Variants in COL22A1 observed in about 807,000 individuals in gnomAD.
COL22A1 encodes the protein collagen type XXII alpha 1 chain.
In COL22A1, 221 loss-of-function variants were observed where a neutral mutation model predicts 248.9. The observed-to-expected ratio is 0.89, with a 90% CI of 0.80 to 0.99. COL22A1 has a LOEUF of 0.99. Among genes scored for constraint, COL22A1 ranks in the 50% least tolerant of loss-of-function variants. COL22A1 has a pLI of 0.00. For missense variants in COL22A1, 2,240 were observed against 2,179.0 expected, an observed-to-expected ratio of 1.03 and a Z score of -0.56; for synonymous variants, 891 against 793.4, an observed-to-expected ratio of 1.12 and a Z score of -2.07.
chr8:138,813,553 A>C (rs1255946897), intron 7 of COL22A1, among the ~76,000 whole-genome samples: 2 of 152,184 alleles, frequency 1.3e-5, no homozygotes, highest in Non-Finnish European at 2.9e-5. Context: ...TGTCGTTATT[A>C]GCAGTGTGAG....
At chr8:138,675,349 T>C (rs890389849) in intron 41 of COL22A1, among the ~76,000 whole-genome samples, 1 of 152,236 alleles carries the variant, frequency 6.6e-6, no homozygotes, top group Non-Finnish European at 1.5e-5. Context: ...TTCCTTCTTA[T>C]TCTTTGAGAG....
chr8:138,616,711 G>A lies in COL22A1; in HGVS notation c.3870+203C>T, dbSNP rs1819350159. ...GGTTGGCCATGATGTCTGGCCCCCA[G>A]AAAAACCACCTGAGGGAATTAGGCC... On this transcript the variant is annotated intron_variant, in intron 54 of 64. Coordinates refer to ENST00000303045, the MANE Select transcript of COL22A1 (RefSeq NM_152888.3). Among the ~76,000 whole-genome samples, 3 of 152,222 alleles carry A rather than the reference G, an allele frequency of 2.0e-5. 1 individual carries two copies. In the South Asian group the frequency reaches 6.2e-4, roughly 32 times the overall value.
intron 32 of COL22A1, among the ~76,000 whole-genome samples, chr8:138,695,499 C>T (rs963059634): frequency 6.6e-6 from 1 of 152,062 alleles, no homozygotes; most frequent in East Asian, 1.9e-4. Flanking sequence ...TCGTGCCTGG[C>T]TCCAACCCCT....
chr8:138,679,676 C>A lies in COL22A1; in HGVS notation c.3013G>T (p.Ala1005Ser), dbSNP rs200002275. 44 of 1,613,722 alleles carry A rather than the reference C, an allele frequency of 2.7e-5. No homozygotes were observed. The highest frequency in any genetic ancestry group is 3.6e-5 in the Non-Finnish European group (43 of 1,179,800). The change falls in exon 40 of 65, where the codon GCT (alanine) becomes TCT (serine). Residue 1005 changes from alanine (A) to serine (S), a missense_variant and splice_region_variant. Transcript: ENST00000303045. ...GACCCTCTGACTTTTCCGCAAGCAG[C>A]CTGAAAGTAGAAAATCTTCACTCAT... The part of the protein sequence containing the change: ...PGLPGPLGTK[A>S]ACGKVRGSEN...
chr8:138,682,882 G>A (rs568115789), intron 39 of COL22A1, among the ~76,000 whole-genome samples: 2 of 152,208 alleles, frequency 1.3e-5, no homozygotes, highest in East Asian at 1.9e-4. Flanking sequence ...TGTACCTTTA[G>A]TAGAGACAGG....
chr8:138,694,730 G>T, intron 33 of COL22A1, 96 bp downstream of exon 33: 1 of 1,458,776 alleles, frequency 6.9e-7, no homozygotes, highest in Non-Finnish European at 9.5e-7. Flanking sequence ...GCTCCTGGGT[G>T]TGGAATGCAC....
chr8:138,715,763 AT>A, intron 29 of COL22A1, 28 bp from the exon 30 acceptor site: 1 of 1,555,960 alleles, frequency 6.4e-7, no homozygotes, highest in Non-Finnish European at 8.8e-7. Context: ...ATTAGAAAAC[AT>A]TAGAACCCAA....
chr8:138,806,545 G>T (rs1302332196), intron 10 of COL22A1, among the ~76,000 whole-genome samples: 2 of 152,108 alleles, frequency 1.3e-5, no homozygotes, highest in Non-Finnish European at 2.9e-5. Context: ...GCCCAGCAAA[G>T]GTGGACAGGA....
chr8:138,822,371 T>C (rs1255884253), intron 6 of COL22A1, among the ~76,000 whole-genome samples: 1 of 152,118 alleles, frequency 6.6e-6, no homozygotes, highest in Non-Finnish European at 1.5e-5. Flanking sequence ...TAATAATGAA[T>C]AAATGATTAT....
chr8:138,890,186 C>T (rs1169579655), intron 1 of COL22A1, among the ~76,000 whole-genome samples: 1 of 151,994 alleles, frequency 6.6e-6, no homozygotes, highest in East Asian at 1.9e-4. Flanking sequence ...AAACCCAGCA[C>T]CCTTTCATGA....
At chr8:138,632,633 T>C (rs1308887171) in intron 49 of COL22A1, among the ~76,000 whole-genome samples, 1 of 152,182 alleles carries the variant, frequency 6.6e-6, no homozygotes, top group East Asian at 1.9e-4. Context: ...AATGACTACA[T>C]CATGGTCTTG....
intron 7 of COL22A1, among the ~76,000 whole-genome samples, chr8:138,814,788 T>C (rs1818540869): frequency 6.6e-6 from 1 of 152,154 alleles, no homozygotes; most frequent in South Asian, 2.1e-4. Context: ...AATCTGCTTT[T>C]GCTGGGGGAG....
At chr8:138,780,789 C>A (rs891522266) in intron 13 of COL22A1, 138 bp downstream of exon 13, 8 of 748,258 alleles carry the variant, frequency 1.1e-5, no homozygotes, top group Admixed American at 2.1e-5. Flanking sequence ...CTGGTATCTG[C>A]GAGGATCCTA....
chr8:138,850,460 C>T (rs1175335472), intron 3 of COL22A1, among the ~76,000 whole-genome samples: 1 of 152,248 alleles, frequency 6.6e-6, no homozygotes, highest in East Asian at 1.9e-4. Flanking sequence ...TCCCTCCTTC[C>T]CTTCCTTGTC....
chr8:138,775,155 C>G (rs73719989), intron 16 of COL22A1, among the ~76,000 whole-genome samples: 1 of 152,170 alleles, frequency 6.6e-6, no homozygotes, highest in Non-Finnish European at 1.5e-5. Flanking sequence ...ATGGGTTAGG[C>G]GAGAGGGCCT....
In COL22A1 at chr8:138,722,122, G is replaced by A. The variant is rs191927350; in HGVS notation, c.2248-33C>T. 8.7e-4 allele frequency: 1,336 copies of A among 1,540,930 alleles called. 10 individuals are homozygous for A. The African/African-American group carries it at 0.016, about 19-fold the overall frequency. On this transcript the variant is annotated intron_variant, in intron 25 of 64. Transcript: ENST00000303045. The stretch of plus-strand genomic sequence containing the variant: ...AAGAGGGGAAAACATAAATAAAAAG[G>A]AAAGGCATATTTAGGAAAGGCTTAC...
intron 41 of COL22A1, among the ~76,000 whole-genome samples, chr8:138,674,902 T>G (rs940282429): frequency 2.6e-5 from 4 of 152,312 alleles, no homozygotes; most frequent in Middle Eastern, 3.4e-3. Flanking sequence ...TCGCTGCACT[T>G]ATTGTTACAG....
At chr8:138,814,467 T>C (rs2131715562) in intron 7 of COL22A1, among the ~76,000 whole-genome samples, 1 of 152,274 alleles carries the variant, frequency 6.6e-6, no homozygotes, top group South Asian at 2.1e-4. Flanking sequence ...CTCTCATCAC[T>C]CACCATGGGG....
At chr8:138,671,865 T>A (rs1276675780) in intron 41 of COL22A1, among the ~76,000 whole-genome samples, 1 of 152,218 alleles carries the variant, frequency 6.6e-6, no homozygotes, top group African/African-American at 2.4e-5. Context: ...TCCTTATGAT[T>A]TTTTTCATAA....
Sources: allele counts gnomAD v4.1 joint callset (sites outside exome capture counted in the v4.1 genomes callset), GRCh38; gene constraint gnomAD v4.1.1; transcripts MANE v1.5; gene names NCBI Gene and HGNC (gene_info 2026-07-23, HGNC 2026-07-21).